The following WWOX variants were observed in gnomAD, a reference collection of about 807,000 sequenced individuals.
The protein encoded by WWOX is WW domain containing oxidoreductase, also known as WW domain-containing oxidoreductase.
WWOX carries 69 observed loss-of-function variants against 46.2 expected under a neutral mutation model. The observed-to-expected ratio is 1.49, with a 90% CI of 1.23 to 1.82. The LOEUF (loss-of-function observed/expected upper bound fraction) is 1.82. Ranked by LOEUF, WWOX falls within the 40% of genes most tolerant of loss-of-function variation. The probability of loss-of-function intolerance (pLI) is 0.00; values close to 1 mark genes in which losing one functional copy is unlikely to be tolerated. For missense variants in WWOX, 919 were observed against 542.6 expected, an observed-to-expected ratio of 1.69 and a Z score of -6.89; for synonymous variants, 359 against 202.6, an observed-to-expected ratio of 1.77 and a Z score of -6.56.
At chr16:78,516,606 C>G (rs1337680409) in intron 8 of WWOX, among the ~76,000 whole-genome samples, 2 of 152,110 alleles carry the variant, frequency 1.3e-5, no homozygotes, top group Admixed American at 6.5e-5. Context: ...GTTCCCCAGC[C>G]ATCGTTCTCC....
chr16:78,391,587 C>T (rs766227953), intron 6 of WWOX, among the ~76,000 whole-genome samples: 1 of 152,214 alleles, frequency 6.6e-6, no homozygotes, highest in African/African-American at 2.4e-5. Flanking sequence ...GTGGCTCACA[C>T]ATGTAATCCC....
chr16:78,157,315 GC>G (rs965057359), intron 4 of WWOX, among the ~76,000 whole-genome samples: 1 of 152,088 alleles, frequency 6.6e-6, no homozygotes, highest in Non-Finnish European at 1.5e-5. Context: ...TTCGGTGCCT[GC>G]CCCCAGCCAG....
chr16:78,524,207 A>G (rs1030389300), intron 8 of WWOX, among the ~76,000 whole-genome samples: 2 of 152,162 alleles, frequency 1.3e-5, no homozygotes, highest in Non-Finnish European at 2.9e-5. Context: ...TTGCAAAGGT[A>G]CTGCTATTGT....
rs114459287 is a variant in WWOX, at chr16:78,255,231, T to C, written c.516+90942T>C. On this transcript the variant is annotated intron_variant, in intron 5 of 8. Transcript: ENST00000566780. ...TCCCCCTGCTGTCCTTCTAGTCAGTTTCTGGCACACTATGTTTATGAGCTT... is the reference window on the plus strand; with the variant it reads ...TCCCCCTGCTGTCCTTCTAGTCAGTCTCTGGCACACTATGTTTATGAGCTT... Among the ~76,000 whole-genome samples, 327 of 152,312 alleles carry C rather than the reference T, an allele frequency of 2.1e-3. 1 individual carries two copies. The highest frequency in any genetic ancestry group is 7.6e-3 in the African/African-American group (315 of 41,576).
chr16:78,924,388 C>T (rs1396590181), intron 8 of WWOX, among the ~76,000 whole-genome samples: 2 of 152,278 alleles, frequency 1.3e-5, no homozygotes, highest in East Asian at 1.9e-4. Context: ...TGGAACTTGT[C>T]TATCCACAAA....
At chr16:79,094,758 T>C (rs2049035375) in intron 8 of WWOX, among the ~76,000 whole-genome samples, 1 of 152,076 alleles carries the variant, frequency 6.6e-6, no homozygotes, top group African/African-American at 2.4e-5. Context: ...CAACCTCTCA[T>C]TTAAAGGAGT....
At chr16:79,121,256 A>G (rs2049625301) in intron 8 of WWOX, among the ~76,000 whole-genome samples, 1 of 152,182 alleles carries the variant, frequency 6.6e-6, no homozygotes, top group Non-Finnish European at 1.5e-5. Context: ...TCTGCCTACC[A>G]CAGATACTGA....
intron 8 of WWOX, among the ~76,000 whole-genome samples, chr16:78,827,017 C>G: frequency 6.6e-6 from 1 of 152,148 alleles, no homozygotes; most frequent in East Asian, 1.9e-4. Flanking sequence ...CCCCGTGTCG[C>G]TTTCCTGCCC....
chr16:78,927,703 A>C (rs930735054), intron 8 of WWOX, among the ~76,000 whole-genome samples: 4 of 152,114 alleles, frequency 2.6e-5, no homozygotes, highest in Admixed American at 6.5e-5. Context: ...TTATTTATTG[A>C]GCTTACTTGG....
rs1364987136 is a variant in WWOX at position 78,988,901 on chromosome 16, CA to C, written c.1057-222704del. 3.3e-5 allele frequency among the ~76,000 whole-genome samples: 5 copies of C among 152,246 alleles called. 1 individual carries two copies. In the East Asian group the frequency reaches 9.7e-4, roughly 29 times the overall value. Reference sequence around the variant, plus strand: ...AAACGAGCTCTGGTGGGCAGTCAGGCAAAGCAGATACACGTGCTTCTTTTCA... The same window carrying C: ...AAACGAGCTCTGGTGGGCAGTCAGGCAAGCAGATACACGTGCTTCTTTTCA... On this transcript the variant is annotated intron_variant, in intron 8 of 8. Coordinates refer to ENST00000566780, the MANE Select transcript of WWOX (RefSeq NM_016373.4).
chr16:78,197,552 C>T (rs1253767667), intron 5 of WWOX, among the ~76,000 whole-genome samples: 3 of 152,130 alleles, frequency 2.0e-5, no homozygotes, highest in Non-Finnish European at 4.4e-5. Flanking sequence ...TGAAACATTT[C>T]TCCCATCTTT....
chr16:78,120,888 C>T (rs536060991), intron 4 of WWOX, among the ~76,000 whole-genome samples: 38 of 152,284 alleles, frequency 2.5e-4, no homozygotes, highest in Admixed American at 1.5e-3. Flanking sequence ...TTATGGACTA[C>T]GCCAGCTTCC....
intron 8 of WWOX, among the ~76,000 whole-genome samples, chr16:78,813,189 T>G (rs1215316231): frequency 1.3e-5 from 2 of 152,186 alleles, no homozygotes; most frequent in Non-Finnish European, 2.9e-5. Flanking sequence ...ATATTGCTTC[T>G]GATTTTTGTT....
intron 8 of WWOX, among the ~76,000 whole-genome samples, chr16:78,939,887 T>G (rs990561529): frequency 6.6e-6 from 1 of 152,252 alleles, no homozygotes; most frequent in Non-Finnish European, 1.5e-5. Flanking sequence ...TTTTGACATT[T>G]GTACATGCTT....
chr16:78,330,722 G>T (rs1762983664), intron 5 of WWOX, among the ~76,000 whole-genome samples: 2 of 152,188 alleles, frequency 1.3e-5, no homozygotes, highest in South Asian at 4.1e-4. Context: ...GCAACTATAT[G>T]TGGGTGTATT....
At chr16:78,354,456 T>C (rs1352565764) in intron 5 of WWOX, among the ~76,000 whole-genome samples, 1 of 152,002 alleles carries the variant, frequency 6.6e-6, no homozygotes, top group African/African-American at 2.4e-5. Flanking sequence ...ATTACTGCAG[T>C]TTAATTTTGA....
intron 8 of WWOX, among the ~76,000 whole-genome samples, chr16:78,672,020 TAGTTAAG>T (rs1428010439): frequency 6.6e-6 from 1 of 152,160 alleles, no homozygotes; most frequent in Non-Finnish European, 1.5e-5. Context: ...TGCTTTTGGG[TAGTTAAG>T]AGTTAAGTAT....
chr16:78,396,756 C>T (rs1050338881), intron 6 of WWOX, among the ~76,000 whole-genome samples: 28 of 152,334 alleles, frequency 1.8e-4, no homozygotes, highest in South Asian at 8.3e-4. Context: ...ACAGTCTCTG[C>T]GGCAACCATT....
In WWOX at chr16:78,516,677, A is replaced by G. The variant is rs1317183622; in HGVS notation, c.1056+83925A>G. ...TACCCTTCACACGTGCCTGCAGGGTATATACTTTTGCACAGGCAAAAGTCC... is the reference window on the plus strand; with the variant it reads ...TACCCTTCACACGTGCCTGCAGGGTGTATACTTTTGCACAGGCAAAAGTCC... On this transcript the variant is annotated intron_variant, in intron 8 of 8. Transcript: ENST00000566780. Among the ~76,000 whole-genome samples the G allele has an allele frequency of 2.6e-5, 4 of 152,174 alleles. 1 individual carries two copies. The highest frequency in any genetic ancestry group is 5.9e-5 in the Non-Finnish European group (4 of 68,028).
Sources: allele counts gnomAD v4.1 joint callset (sites outside exome capture counted in the v4.1 genomes callset), GRCh38; gene constraint gnomAD v4.1.1; transcripts MANE v1.5; gene names NCBI Gene and HGNC (gene_info 2026-07-23, HGNC 2026-07-21).